Variants in AMZ2 observed in about 807,000 individuals in gnomAD.
AMZ2 encodes the protein archaelysin family metallopeptidase 2.
Under a neutral mutation model 36.7 loss-of-function variants are expected in AMZ2, and 26 were observed. The ratio of observed to expected loss-of-function variants is 0.71; its 90% CI spans 0.52 to 0.98. AMZ2 has a LOEUF of 0.98. Ranked by LOEUF, AMZ2 falls within the 50% of genes least tolerant of loss-of-function variation. The pLI, the probability that AMZ2 is intolerant of heterozygous loss-of-function variation, is 0.00. For missense variants in AMZ2, 394 were observed against 430.5 expected (o/e 0.92, Z 0.75); for synonymous variants, 144 against 149.1 (o/e 0.97, Z 0.25).
chr17:68,206,312 T>G (rs2072828732), intron 1 of AMZ2: 1 of 1,179,110 alleles, frequency 8.5e-7, no homozygotes, highest in Non-Finnish European at 1.1e-6. Context: ...ACTCGTGTGC[T>G]GTGCATCCTG....
At chr17:68,212,811 ACCGACCTCAG>A (rs1156401827) in intron 1 of AMZ2, among the ~76,000 whole-genome samples, 2 of 152,048 alleles carry the variant, frequency 1.3e-5, no homozygotes, top group Non-Finnish European at 2.9e-5. Context: ...CAAGCAATCC[ACCGACCTCAG>A]CCTCCCAAAG....
Position 68,248,080 on chromosome 17 carries a change from G to T in AMZ2, c.-626G>T, listed in dbSNP as rs118095633. ...CGCGGTGCGCATGCGCGTGAGGGCT[G>T]CCGCGGGTGGGTGGTATCGAGGCCT... On this transcript the variant is annotated 5_prime_UTR_variant, in exon 1 of 7. Coordinates refer to ENST00000359904, the MANE Select transcript of AMZ2 (RefSeq NM_016627.5). 6.6e-4 allele frequency: 650 copies of T among 986,266 alleles called. 19 individuals are homozygous for T. The East Asian group carries it at 0.055, about 83-fold the overall frequency. 61.1% of individuals were successfully genotyped at this position (986,266 alleles called of 1,614,324 possible).
At chr17:68,246,263 T>C (rs1555735418), upstream of AMZ2, among the ~76,000 whole-genome samples, 1 of 149,790 alleles carries the variant, frequency 6.7e-6, no homozygotes, top group Non-Finnish European at 1.5e-5. Context: ...AGCTACTCTG[T>C]AGACTGAGGC....
At position 68,235,816 on chromosome 17, in the gene AMZ2, C is replaced by G. The variant is rs1555732378; in HGVS notation, c.-66-12824C>G. Among the ~76,000 whole-genome samples, 2 of 151,762 alleles carry G rather than the reference C, an allele frequency of 1.3e-5. No homozygotes were observed. The highest frequency in any genetic ancestry group is 4.8e-5 in the African/African-American group (2 of 41,344). On this transcript the variant is annotated intron_variant, in intron 1 of 7. Coordinates refer to the AMZ2 transcript ENST00000674770. The surrounding 1 kb of genome is among the most constrained non-coding windows in gnomAD (Gnocchi z 4.2). ...ACTGGCCGTCCCTACCCCTCCAAGA[C>G]TTAGCCCAAAATCTTACTTTTTTTT... is the stretch of plus-strand genomic sequence containing the variant.
At chr17:68,238,580 CAT>C (rs2144634359) in intron 1 of AMZ2, among the ~76,000 whole-genome samples, 1 of 116,754 alleles carries the variant, frequency 8.6e-6, no homozygotes, top group African/African-American at 4.0e-5. Context: ...TATACACACA[CAT>C]ATGTACACAC....
upstream of AMZ2, among the ~76,000 whole-genome samples, chr17:68,246,195 C>CAA (rs57477453): frequency 0.032 from 2,706 of 83,770 alleles, 76 homozygotes; most frequent in East Asian, 0.091. Flanking sequence ...ACTAAAAATA[C>CAA]AAAAAAAAAA....
chr17:68,225,018 A>G (rs1857463538), intron 1 of AMZ2, among the ~76,000 whole-genome samples: 1 of 145,120 alleles, frequency 6.9e-6, no homozygotes, highest in South Asian at 2.2e-4. Context: ...TTTCTACTAA[A>G]AAAAAAAACA....
At chr17:68,255,643 G>C in intron 5 of AMZ2, 57 bp from the exon 6 acceptor site, 1 of 1,532,222 alleles carries the variant, frequency 6.5e-7, no homozygotes, top group East Asian at 2.3e-5. Context: ...AAAAAGAAGA[G>C]ACGTGTAGCC....
intron 1 of AMZ2, among the ~76,000 whole-genome samples, chr17:68,237,491 C>T (rs2073815126): frequency 6.6e-6 from 1 of 152,238 alleles, no homozygotes; most frequent in East Asian, 1.9e-4. Flanking sequence ...TCCTGCACCA[C>T]ACTTGCTCTC....
chr17:68,255,918 A>G (rs782739339), intron 6 of AMZ2, 42 bp downstream of exon 6: 3 of 1,590,594 alleles, frequency 1.9e-6, no homozygotes, highest in Non-Finnish European at 2.6e-6. Context: ...GGAAGTGGTT[A>G]TCTGAGTAGC....
At chr17:68,215,646 A>G (rs1184383315) in intron 1 of AMZ2, among the ~76,000 whole-genome samples, 3 of 137,948 alleles carry the variant, frequency 2.2e-5, no homozygotes, top group South Asian at 2.4e-4. Flanking sequence ...TGTACTCTGT[A>G]TAGACATTCA....
chr17:68,254,807 A>G (rs2074772948), intron 5 of AMZ2, among the ~76,000 whole-genome samples: 1 of 152,168 alleles, frequency 6.6e-6, no homozygotes, highest in South Asian at 2.1e-4. Context: ...GGCTGTACCC[A>G]TGTGCTATTA....
intron 1 of AMZ2, among the ~76,000 whole-genome samples, chr17:68,240,532 A>G (rs2073880700): frequency 6.6e-6 from 1 of 152,230 alleles, no homozygotes; most frequent in Non-Finnish European, 1.5e-5. Context: ...TCCAGCAAGA[A>G]TGGAGGGCAG....
intron 5 of AMZ2, among the ~76,000 whole-genome samples, chr17:68,255,299 G>T (rs1555742125): frequency 1.2e-5 from 1 of 86,392 alleles, no homozygotes; most frequent in African/African-American, 4.5e-5. Context: ...TAGATCAAGG[G>T]TTCTCAGCCA....
intron 1 of AMZ2, among the ~76,000 whole-genome samples, chr17:68,238,630 T>A (rs575471782): frequency 1.3e-5 from 2 of 152,086 alleles, no homozygotes; most frequent in African/African-American, 4.8e-5. Context: ...TTTTGGAAAC[T>A]CTCTGAGGCA....
At chr17:68,214,339 G>T (rs1555726770) in intron 1 of AMZ2, among the ~76,000 whole-genome samples, 1 of 152,172 alleles carries the variant, frequency 6.6e-6, no homozygotes, top group South Asian at 2.1e-4. Context: ...GCCTTTTCCT[G>T]TGTCCTGCTT....
At chr17:68,215,141 C>A (rs1319246965) in intron 1 of AMZ2, among the ~76,000 whole-genome samples, 1 of 152,244 alleles carries the variant, frequency 6.6e-6, no homozygotes, top group Non-Finnish European at 1.5e-5. Context: ...AAAATGAAAT[C>A]TGTCACCTTA....
chr17:68,228,865 T>C lies in AMZ2; in HGVS notation c.-66-19775T>C, dbSNP rs556115245. ...CAAGCAGCCTACATCCACAGCGGGA[T>C]GCCTGCACTGCTGCTTCCGCGTGTG... On this transcript the variant is annotated intron_variant, in intron 1 of 7. Transcript: ENST00000674770. Among the ~76,000 whole-genome samples, 14 of 152,348 alleles carry C rather than the reference T, an allele frequency of 9.2e-5. No homozygotes were observed. The East Asian group carries it at 2.3e-3, about 25-fold the overall frequency.
At chr17:68,245,051 C>T (rs2073972919), upstream of AMZ2, among the ~76,000 whole-genome samples, 1 of 152,168 alleles carries the variant, frequency 6.6e-6, no homozygotes, top group South Asian at 2.1e-4. Flanking sequence ...TCTTCTCCAA[C>T]CTTGGGCCAC....
Sources: gnomAD v4.1 joint callset for allele counts (sites outside exome capture counted in the v4.1 genomes callset) on GRCh38, gnomAD v4.1.1 for gene constraint, Gnocchi (gnomAD v3.1) non-coding constraint, MANE v1.5 for transcripts, NCBI Gene and HGNC (gene_info 2026-07-23, HGNC 2026-07-21) for gene names.